Variants in NSMF observed in about 807,000 individuals in gnomAD.
NSMF encodes nasal embryonic LHRH factor.
In NSMF, 31 loss-of-function variants were observed where a neutral mutation model predicts 71.0. The observed-to-expected ratio is 0.44, with a 90% CI of 0.33 to 0.59. NSMF has a LOEUF of 0.59. Ranked by LOEUF, NSMF falls within the 20% of genes least tolerant of loss-of-function variation. The pLI, the probability that NSMF is intolerant of heterozygous loss-of-function variation, is 0.04. For synonymous variants in NSMF, 345 were observed against 287.1 expected, an observed-to-expected ratio of 1.20 and a Z score of -2.04; for missense variants, 673 against 740.5, an observed-to-expected ratio of 0.91 and a Z score of 1.06.
chr9:137,450,957 T>C (rs1588494932), intron 12 of NSMF, among the ~76,000 whole-genome samples: 1 of 8,614 alleles, frequency 1.2e-4, no homozygotes, highest in Admixed American at 1.6e-3. Flanking sequence ...GATCTTCCCC[T>C]GCCCCTCGTC....
Position 137,449,141 on chromosome 9 carries a change from C to G in NSMF, c.*253G>C, listed in dbSNP as rs1236063521. 2 of 584,998 alleles carry G rather than the reference C, an allele frequency of 3.4e-6. No homozygotes were observed. Among genetic ancestry groups the G allele is most frequent in the Admixed American group, 6.0e-5 (2 of 33,516 alleles). 36.2% of individuals were successfully genotyped at this position (584,998 alleles called of 1,614,324 possible). ...AGCCTCCAGGCGAGGCATGGCAGGTCAGTGCCTGGCCGCTGAGCATCCACG... is the reference window on the plus strand; with the variant it reads ...AGCCTCCAGGCGAGGCATGGCAGGTGAGTGCCTGGCCGCTGAGCATCCACG... On this transcript the variant is annotated 3_prime_UTR_variant, in exon 16 of 16. Transcript: ENST00000371475.
intron 2 of NSMF, 89 bp from the exon 3 acceptor site, chr9:137,457,990 G>A: frequency 1.3e-6 from 2 of 1,523,178 alleles, no homozygotes; most frequent in Admixed American, 3.9e-5. Flanking sequence ...AACACCCAGT[G>A]GGCACCTGGC....
chr9:137,452,425 C>T lies in NSMF; in HGVS notation c.1176G>A (p.Glu392=). The change falls in exon 12 of 16, where the codon GAG becomes GAA. Residue 392 remains glutamate (E), a synonymous_variant. Transcript: ENST00000371475. ...ATFEDILEEI[E]RKLNVYHKGA... ...CCTTGTGGTAGACGTTCAGCTTCCTCTCTATCTCCTCTGTGGGAGAGCGGG... is the reference window on the plus strand; with the variant it reads ...CCTTGTGGTAGACGTTCAGCTTCCTTTCTATCTCCTCTGTGGGAGAGCGGG... The T allele has an allele frequency of 6.2e-7, 1 of 1,612,614 alleles. No individual in the cohort carries two copies. Among genetic ancestry groups the T allele is most frequent in the South Asian group, 1.1e-5 (1 of 91,064 alleles).
At chr9:137,450,140 C>A (rs373021446) in intron 13 of NSMF, 36 bp downstream of exon 13, 1 of 1,600,768 alleles carries the variant, frequency 6.2e-7, no homozygotes. Flanking sequence ...ACTCTGCCTC[C>A]AGCCCTCCCC....
rs1830657028 is a variant in NSMF at position 137,453,531 on chromosome 9, CGGCCAGCA to C, written c.922+192_922+199del. The C allele has an allele frequency of 1.3e-5, 8 of 608,726 alleles. No individual in the cohort carries two copies. The highest frequency in any genetic ancestry group is 2.3e-5 in the Non-Finnish European group (8 of 347,822). 37.7% of individuals were successfully genotyped at this position (608,726 alleles called of 1,614,324 possible). A position where few individuals can be genotyped will look rare whatever the true frequency, so the allele number is the denominator to read the frequency against. On this transcript the variant is annotated intron_variant, in intron 8 of 15. Coordinates refer to ENST00000371475, the MANE Select transcript of NSMF (RefSeq NM_001130969.3). The surrounding 1 kb of genome is among the most constrained non-coding windows in gnomAD (Gnocchi z 4.5). The stretch of plus-strand genomic sequence containing the variant: ...GTGGGCACGGCCCTACAGGCGCCCC[CGGCCAGCA>C]CTGCCGCGGCCGTTGTTAGCCCCGC...
At chr9:137,456,332 A>C in intron 4 of NSMF, 79 bp downstream of exon 4, 1 of 1,174,574 alleles carries the variant, frequency 8.5e-7, no homozygotes, top group Non-Finnish European at 1.3e-6. Flanking sequence ...AGGCCCAGAG[A>C]CTGGGAAAAA....
chr9:137,456,323 G>T, intron 4 of NSMF, 88 bp downstream of exon 4: 3 of 1,093,884 alleles, frequency 2.7e-6, no homozygotes, highest in Non-Finnish European at 4.2e-6. Context: ...CCCCCTGGTA[G>T]GCCCAGAGAC....
rs529425305 is a variant in NSMF, at chr9:137,454,509, C to A, written c.780-66G>T. 5.7e-5 allele frequency: 89 copies of A among 1,549,364 alleles called. No individual in the cohort carries two copies. In the African/African-American group the frequency reaches 1.1e-3, roughly 19 times the overall value. On this transcript the variant is annotated intron_variant, in intron 6 of 15. Coordinates refer to ENST00000371475, the MANE Select transcript of NSMF (RefSeq NM_001130969.3). ...GTGACGGCAGCCCCTGCCCACCTAG[C>A]CCCCGTCGGGTCATGGCTCTACTCT...
intron 2 of NSMF, 82 bp from the exon 3 acceptor site, chr9:137,457,983 AC>A: frequency 6.5e-7 from 1 of 1,528,646 alleles, no homozygotes; most frequent in South Asian, 1.2e-5. Context: ...GGCAGAGAAC[AC>A]CCAGTGGGCA....
chr9:137,449,662 G>C lies in NSMF; in HGVS notation c.1432C>G (p.Leu478Val). The C allele has an allele frequency of 6.2e-7, 1 of 1,612,628 alleles. No individual in the cohort carries two copies. The highest frequency in any genetic ancestry group is 8.5e-7 in the Non-Finnish European group (1 of 1,179,670). The change falls in exon 15 of 16, where the codon CTC becomes GTC. Residue 478 changes from leucine to valine, a missense_variant. This residue lies in a region of NSMF where 202 missense variants were observed against 280.8 expected (regional missense o/e 0.72). Coordinates refer to ENST00000371475, the MANE Select transcript of NSMF (RefSeq NM_001130969.3). The stretch of plus-strand genomic sequence containing the variant: ...CTATAAGGAGTCATGAGGGTCCTGA[G>C]GTTCTGGAACAGCTGGAGGAAGCGG... ...NPNGEKLFQNLRTLMTPYRVT... is the reference protein window; with the variant it reads ...NPNGEKLFQNVRTLMTPYRVT...
Position 137,457,816 on chromosome 9 carries a change from G to T in NSMF, c.219C>A (p.Leu73=), listed in dbSNP as rs1191364533. The T allele has an allele frequency of 8.3e-6, 13 of 1,557,798 alleles. No individual in the cohort carries two copies. Among genetic ancestry groups the T allele is most frequent in the Non-Finnish European group, 1.1e-5 (13 of 1,151,030 alleles). Residue 73 remains leucine, a synonymous_variant, in exon 3 of 16, where the codon CTC becomes CTA. Coordinates refer to ENST00000371475, the MANE Select transcript of NSMF (RefSeq NM_001130969.3). Reference sequence around the variant, plus strand: ...TGCCCTCGTAGCAGCCGTTGGAGACGAGGGACAGGCGGCGCTTGTTCTGGG... The same window carrying T: ...TGCCCTCGTAGCAGCCGTTGGAGACTAGGGACAGGCGGCGCTTGTTCTGGG... ...PAPQNKRRLS[L]VSNGCYEGSL...
At chr9:137,457,275 T>C (rs888736067) in intron 3 of NSMF, 132 bp downstream of exon 3, 1 of 1,323,484 alleles carries the variant, frequency 7.6e-7, no homozygotes, top group African/African-American at 1.5e-5. Flanking sequence ...CCGGTTTTAA[T>C]CTTGAGTCCG....
intron 7 of NSMF, among the ~76,000 whole-genome samples, 186 bp from the exon 8 acceptor site, chr9:137,454,006 G>A (rs907165143): frequency 1.3e-5 from 2 of 151,806 alleles, no homozygotes; most frequent in Admixed American, 6.6e-5. Flanking sequence ...GAGAACACTG[G>A]GGCAGGGCCA....
intron 6 of NSMF, 143 bp from the exon 7 acceptor site, chr9:137,454,586 C>G: frequency 6.5e-7 from 1 of 1,546,910 alleles, no homozygotes; most frequent in Non-Finnish European, 8.7e-7. Context: ...GGCACCACCT[C>G]CCACCCAAAG....
intron 12 of NSMF, 50 bp downstream of exon 12, chr9:137,452,315 T>G: frequency 8.0e-7 from 1 of 1,244,618 alleles, no homozygotes; most frequent in South Asian, 1.2e-5. Context: ...GGTCTTCCCC[T>G]GCCCCACCAC....
At position 137,459,237 on chromosome 9, in the gene NSMF, TGGGCTCGGGGTC is replaced by T. The variant is rs564524381; in HGVS notation, c.-147_-136del. ...TCTCGCTCGGGCTCCGGCTCGGGCTTGGGCTCGGGGTCGGGCTCGGGGTCGGGCCCGGTCCCC... is the reference window on the plus strand; with the variant it reads ...TCTCGCTCGGGCTCCGGCTCGGGCTTGGGCTCGGGGTCGGGCCCGGTCCCC... On this transcript the variant is annotated 5_prime_UTR_variant, in exon 1 of 16. Transcript: ENST00000371475. 2.2e-3 allele frequency: 1,262 copies of T among 581,802 alleles called. 11 individuals are homozygous for T. Among genetic ancestry groups the T allele is most frequent in the African/African-American group, 0.016 (815 of 49,396 alleles). 36.0% of individuals were successfully genotyped at this position (581,802 alleles called of 1,614,324 possible). A position where few individuals can be genotyped will look rare whatever the true frequency, so the allele number is the denominator to read the frequency against.
Position 137,455,263 on chromosome 9 carries a change from T to C in NSMF, c.755A>G (p.Asn252Ser). The C allele has an allele frequency of 6.2e-7, 1 of 1,612,782 alleles. No homozygotes were observed. The highest frequency in any genetic ancestry group is 8.5e-7 in the Non-Finnish European group (1 of 1,179,910). Residue 252 changes from asparagine (N) to serine (S), a missense_variant, in exon 6 of 16, where the codon AAT becomes AGT. Asn to Ser is a conservative substitution (Grantham distance 46). This residue lies in a region of NSMF where 471 missense variants were observed against 459.6 expected (regional missense o/e 1.02). Coordinates refer to ENST00000371475, the MANE Select transcript of NSMF (RefSeq NM_001130969.3). ...YAERKRRKRE[N>S]DSASVIQRNF... ...CCTCTGGATTACAGACGCGGAATCA[T>C]TCTCCCGTTTCCGGCGCTTCCTCTC...
intron 9 of NSMF, 27 bp from the exon 10 acceptor site, chr9:137,452,846 GC>G (rs755934898): frequency 5.7e-6 from 9 of 1,581,870 alleles, no homozygotes; most frequent in Non-Finnish European, 7.7e-6. Context: ...CTGCTCAGGG[GC>G]CCCAGGCCCA....
At chr9:137,458,948 G>C in intron 1 of NSMF, 84 bp downstream of exon 1, 1 of 1,096,840 alleles carries the variant, frequency 9.1e-7, no homozygotes, top group Non-Finnish European at 1.2e-6. Flanking sequence ...CCGGGAGCCC[G>C]GGGAGCACCG....
Sources: allele counts gnomAD v4.1 joint callset (sites outside exome capture counted in the v4.1 genomes callset), GRCh38; gene constraint gnomAD v4.1.1; regional missense constraint gnomAD v4.1.1; non-coding constraint Gnocchi (gnomAD v3.1); transcripts MANE v1.5; gene names NCBI Gene and HGNC (gene_info 2026-07-23, HGNC 2026-07-21).